The following ERC2 variants were observed in gnomAD, a reference collection of about 807,000 sequenced individuals.
ERC2 encodes ELKS/RAB6-interacting/CAST family member 2, also known as ERC protein 2.
ERC2 carries 42 observed loss-of-function variants against 114.8 expected under a neutral mutation model. That is an observed-to-expected ratio of 0.37 (90% CI 0.29 to 0.47). The LOEUF is 0.47. Ranked by LOEUF, ERC2 falls within the 20% of genes least tolerant of loss-of-function variation. The probability of loss-of-function intolerance (pLI) is 0.99; values close to 1 mark genes in which losing one functional copy is unlikely to be tolerated. For missense variants in ERC2, 939 were observed against 1,150.7 expected (o/e 0.82, Z 2.66); for synonymous variants, 454 against 425.5 (o/e 1.07, Z -0.82).
At chr3:56,033,155 G>A (rs781129822) in intron 7 of ERC2, among the ~76,000 whole-genome samples, 1 of 152,148 alleles carries the variant, frequency 6.6e-6, no homozygotes. Context: ...ACTTTGGGAG[G>A]CCAAGACAAG....
intron 1 of ERC2, among the ~76,000 whole-genome samples, chr3:56,442,102 A>G (rs1390933664): frequency 6.6e-6 from 1 of 152,044 alleles, no homozygotes; most frequent in Non-Finnish European, 1.5e-5. Context: ...CACAGCTTCT[A>G]CTCTACTCTC....
intron 2 of ERC2, among the ~76,000 whole-genome samples, chr3:56,379,946 T>C (rs2059685535): frequency 6.6e-6 from 1 of 152,202 alleles, no homozygotes; most frequent in African/African-American, 2.4e-5. Context: ...TAAAGTCAGT[T>C]TCTCAGCCTC....
chr3:56,073,295 G>A (rs1178520813), intron 7 of ERC2, among the ~76,000 whole-genome samples: 4 of 152,312 alleles, frequency 2.6e-5, no homozygotes, highest in Admixed American at 2.0e-4. Context: ...AAGGACTCCT[G>A]TAGACCAGGG....
rs112032135 is a variant in ERC2, at chr3:55,889,150, C to T, written c.2404-601G>A. ...AGGCAACACTCAAATGCATTTTGCCCAGCACAATATACTTTTGTGTGTAGG... is the reference window on the plus strand; with the variant it reads ...AGGCAACACTCAAATGCATTTTGCCTAGCACAATATACTTTTGTGTGTAGG... On this transcript the variant is annotated intron_variant, in intron 13 of 17. Transcript: ENST00000288221. Among the ~76,000 whole-genome samples, 1,133 of 152,172 alleles carry T rather than the reference C, an allele frequency of 7.4e-3. 12 individuals carry two copies. The highest frequency in any genetic ancestry group is 0.026 in the African/African-American group (1,070 of 41,514).
intron 2 of ERC2, among the ~76,000 whole-genome samples, chr3:56,390,054 AC>A (rs1576720663): frequency 6.6e-6 from 1 of 152,230 alleles, no homozygotes; most frequent in Admixed American, 6.5e-5. Flanking sequence ...GTGACGGCCA[AC>A]AAAATAAATG....
chr3:56,300,147 G>A (rs2055766877), intron 2 of ERC2, among the ~76,000 whole-genome samples: 1 of 152,032 alleles, frequency 6.6e-6, no homozygotes, highest in African/African-American at 2.4e-5. Flanking sequence ...AGGAAGGATG[G>A]CAGAAGTGAA....
intron 13 of ERC2, among the ~76,000 whole-genome samples, chr3:55,927,178 C>T (rs945496452): frequency 2.0e-5 from 3 of 152,140 alleles, no homozygotes; most frequent in Non-Finnish European, 2.9e-5. Context: ...TCCCCAGAGC[C>T]TCCTGTTTCT....
intron 2 of ERC2, among the ~76,000 whole-genome samples, chr3:56,351,392 C>A (rs2058546975): frequency 6.6e-6 from 1 of 151,938 alleles, no homozygotes. Context: ...GCAGTAAGAT[C>A]AGCAAAGGGA....
chr3:55,852,080 C>T (rs2061597110), intron 14 of ERC2, among the ~76,000 whole-genome samples: 1 of 152,044 alleles, frequency 6.6e-6, no homozygotes, highest in Non-Finnish European at 1.5e-5. Flanking sequence ...AATTAGCTGG[C>T]GTGGTGGCGC....
chr3:56,143,175 G>A (rs1289546000), intron 5 of ERC2, among the ~76,000 whole-genome samples: 1 of 152,212 alleles, frequency 6.6e-6, no homozygotes, highest in Non-Finnish European at 1.5e-5. Context: ...AGCTGTCTGA[G>A]ATCCCAGCTT....
At chr3:56,044,170 C>T (rs893280714) in intron 7 of ERC2, among the ~76,000 whole-genome samples, 10 of 152,182 alleles carry the variant, frequency 6.6e-5, no homozygotes, top group African/African-American at 2.4e-4. Flanking sequence ...AAACAATTCA[C>T]TTCAAGAGAG....
intron 4 of ERC2, among the ~76,000 whole-genome samples, chr3:56,168,629 G>C (rs903963886): frequency 6.6e-6 from 1 of 152,102 alleles, no homozygotes; most frequent in African/African-American, 2.4e-5. Context: ...TATGAAACTT[G>C]GTAAAGTTGC....
rs141749293 is a variant in ERC2 at position 55,672,233 on chromosome 3, G to C, written c.*39+11561C>G. Among the ~76,000 whole-genome samples the C allele has an allele frequency of 3.3e-3, 503 of 151,586 alleles. 3 individuals carry two copies. Among genetic ancestry groups the C allele is most frequent in the African/African-American group, 0.012 (488 of 41,302 alleles). ...TGGTGTGTGCCTCCTAGCTACATGGGAGGCTGATGTGGAGGATCTCGCTTG... is the reference window on the plus strand; with the variant it reads ...TGGTGTGTGCCTCCTAGCTACATGGCAGGCTGATGTGGAGGATCTCGCTTG... On this transcript the variant is annotated intron_variant, in intron 17 of 17. Transcript: ENST00000288221.
Position 55,630,009 on chromosome 3 carries a change from T to C in ERC2, c.*39+53785A>G, listed in dbSNP as rs182023206. 5.9e-5 allele frequency among the ~76,000 whole-genome samples: 9 copies of C among 152,192 alleles called. No individual in the cohort carries two copies. The East Asian group carries it at 1.7e-3, about 29-fold the overall frequency. On this transcript the variant is annotated intron_variant, in intron 17 of 17. Transcript: ENST00000288221. ...AGAAAGTGGGGTACCATGAATTTGGTAAATCAGTGCAAGGCTCTGTAACAG... is the reference window on the plus strand; with the variant it reads ...AGAAAGTGGGGTACCATGAATTTGGCAAATCAGTGCAAGGCTCTGTAACAG...
chr3:56,408,809 A>G (rs2060825926), intron 2 of ERC2, among the ~76,000 whole-genome samples: 1 of 152,240 alleles, frequency 6.6e-6, no homozygotes, highest in African/African-American at 2.4e-5. Flanking sequence ...AAAGCCTGAG[A>G]GGGCAGTAAG....
chr3:56,342,294 A>G (rs1478464480), intron 2 of ERC2, among the ~76,000 whole-genome samples: 1 of 152,250 alleles, frequency 6.6e-6, no homozygotes, highest in Non-Finnish European at 1.5e-5. Flanking sequence ...ACAATGAAAT[A>G]CTGTGATCAC....
intron 13 of ERC2, among the ~76,000 whole-genome samples, chr3:55,902,094 C>T (rs11709888): frequency 0.71 from 107,210 of 152,050 alleles, 38,141 homozygotes; most frequent in Admixed American, 0.77. Flanking sequence ...CAGCAGGTAC[C>T]GGTTTCCTTA....
intron 2 of ERC2, among the ~76,000 whole-genome samples, chr3:56,378,041 T>A (rs1197235934): frequency 6.6e-6 from 1 of 152,060 alleles, no homozygotes; most frequent in Non-Finnish European, 1.5e-5. Flanking sequence ...AGGGAGCAGA[T>A]CGCCCGCCCA....
intron 2 of ERC2, among the ~76,000 whole-genome samples, chr3:56,332,309 G>A (rs1165784540): frequency 6.6e-6 from 1 of 152,184 alleles, no homozygotes; most frequent in African/African-American, 2.4e-5. Context: ...CAATCTCAGA[G>A]TCATCTCCAT....
Sources: gnomAD v4.1 joint callset for allele counts (sites outside exome capture counted in the v4.1 genomes callset) on GRCh38, gnomAD v4.1.1 for gene constraint, MANE v1.5 for transcripts, NCBI Gene and HGNC (gene_info 2026-07-23, HGNC 2026-07-21) for gene names.